The following TENM2 variants were observed in gnomAD, a reference collection of about 807,000 sequenced individuals.
TENM2 encodes the protein teneurin transmembrane protein 2.
In TENM2, 52 loss-of-function variants were observed where a neutral mutation model predicts 245.2. The observed-to-expected ratio is 0.21, with a 90% CI of 0.17 to 0.27. The LOEUF is 0.27. TENM2 is among the 10% of genes least tolerant of loss of function. The pLI is 1.00. For synonymous variants in TENM2, 1,363 were observed against 1,438.9 expected, an observed-to-expected ratio of 0.95 and a Z score of 1.19; for missense variants, 3,046 against 3,666.8, an observed-to-expected ratio of 0.83 and a Z score of 4.37.
chr5:167,877,016 T>C (rs1773481441), intron 3 of TENM2, among the ~76,000 whole-genome samples: 1 of 152,146 alleles, frequency 6.6e-6, no homozygotes, highest in South Asian at 2.1e-4. Context: ...CCTGTGAACA[T>C]CTGAACGTAG....
chr5:168,225,953 G>A, intron 23 of TENM2, 135 bp from the exon 26 acceptor site: 2 of 672,412 alleles, frequency 3.0e-6, no homozygotes, highest in South Asian at 4.1e-5. Context: ...ACTGTGACGA[G>A]GGGCCTCAGT....
At chr5:167,668,263 A>G (rs1755702439) in intron 2 of TENM2, among the ~76,000 whole-genome samples, 1 of 152,120 alleles carries the variant, frequency 6.6e-6, no homozygotes, top group African/African-American at 2.4e-5. Context: ...TTATGAAGAA[A>G]CAGAAATCTA....
At chr5:167,742,273 T>C (rs896444353) in intron 2 of TENM2, among the ~76,000 whole-genome samples, 1 of 152,042 alleles carries the variant, frequency 6.6e-6, no homozygotes, top group Non-Finnish European at 1.5e-5. Context: ...TTTTATCCCC[T>C]TAACTTTTGT....
the TENM2 span, among the ~76,000 whole-genome samples, chr5:167,184,253 C>T: frequency 6.6e-6 from 1 of 152,126 alleles, no homozygotes. Context: ...GTTGTTATAA[C>T]CTAGAATAGG....
chr5:167,798,610 C>A (rs559308779), intron 2 of TENM2, among the ~76,000 whole-genome samples: 5 of 152,158 alleles, frequency 3.3e-5, no homozygotes, highest in Non-Finnish European at 5.9e-5. Context: ...TAAGACAGAG[C>A]GGGCGTAGTA....
At chr5:167,659,943 C>T (rs561838451) in intron 2 of TENM2, 1 of 152,224 alleles carries the variant, frequency 6.6e-6, no homozygotes, top group South Asian at 2.1e-4. Context: ...ATTTTTAAAA[C>T]ATCACACTCA....
Position 168,007,132 on chromosome 5 carries a change from C to CTTT in TENM2, c.1186+13960_1186+13962dup, listed in dbSNP as rs72126954. On this transcript the variant is annotated intron_variant, in intron 5 of 28. Coordinates refer to ENST00000518659, the Ensembl canonical transcript of TENM2. ...GTACTCCAGGCCTTCCTTTTTCTTT[C>CTTT]TTTTTTTTTTTTGAGACGTAGTCTC... 2.4e-4 allele frequency among the ~76,000 whole-genome samples: 35 copies of CTTT among 146,874 alleles called. No individual in the cohort carries two copies. In the East Asian group the frequency reaches 5.4e-3, roughly 23 times the overall value.
the TENM2 span, among the ~76,000 whole-genome samples, chr5:167,106,459 G>T: frequency 6.6e-6 from 1 of 152,218 alleles, no homozygotes; most frequent in East Asian, 1.9e-4. Context: ...AACCTCTATT[G>T]CCAGGAGGAA....
intron 2 of TENM2, among the ~76,000 whole-genome samples, chr5:167,376,802 T>C (rs1369424210): frequency 6.6e-6 from 1 of 152,202 alleles, no homozygotes; most frequent in Non-Finnish European, 1.5e-5. Flanking sequence ...AAATTACTTT[T>C]AGAAGTTTCC....
chr5:167,231,275 G>A, the TENM2 span, among the ~76,000 whole-genome samples: 3 of 152,200 alleles, frequency 2.0e-5, no homozygotes, highest in Non-Finnish European at 4.4e-5. Flanking sequence ...GCAGAGGGTG[G>A]AACAATTTGG....
chr5:167,803,706 C>A (rs1035226830), intron 2 of TENM2, among the ~76,000 whole-genome samples: 1 of 152,024 alleles, frequency 6.6e-6, no homozygotes, highest in Non-Finnish European at 1.5e-5. Context: ...TCCTTCCTCT[C>A]TTTCTTTGTT....
chr5:167,685,971 T>G (rs975758736), intron 2 of TENM2, among the ~76,000 whole-genome samples: 1 of 152,156 alleles, frequency 6.6e-6, no homozygotes, highest in Non-Finnish European at 1.5e-5. Flanking sequence ...AGTGGTGGTG[T>G]TACCTTGAGC....
the TENM2 span, among the ~76,000 whole-genome samples, chr5:167,261,113 C>T: frequency 3.6e-4 from 55 of 152,214 alleles, 1 homozygote; most frequent in South Asian, 0.01. Flanking sequence ...AGTCTCATGC[C>T]CTCCCCATCC....
At chr5:167,644,521 T>TG (rs1779805763) in intron 2 of TENM2, among the ~76,000 whole-genome samples, 1 of 152,204 alleles carries the variant, frequency 6.6e-6, no homozygotes, top group African/African-American at 2.4e-5. Context: ...GGTGGTGACA[T>TG]GCACTCAGTA....
At chr5:167,443,816 A>G (rs560397371) in intron 2 of TENM2, among the ~76,000 whole-genome samples, 2 of 152,250 alleles carry the variant, frequency 1.3e-5, no homozygotes, top group East Asian at 3.9e-4. Context: ...CAGGGGACTT[A>G]TTTTACACAG....
At chr5:167,853,312 A>AAAAAAAAAAAAAAAAAAAAAAAAAAAG (rs1770777197) in intron 2 of TENM2, among the ~76,000 whole-genome samples, 1 of 143,896 alleles carries the variant, frequency 6.9e-6, no homozygotes. Flanking sequence ...AAAAAAAAAA[A>AAAAAAAAAAAAAAAAAAAAAAAAAAAG]GAAAGTGATC....
At chr5:167,607,740 A>G (rs1208505922) in intron 2 of TENM2, among the ~76,000 whole-genome samples, 3 of 152,180 alleles carry the variant, frequency 2.0e-5, no homozygotes, top group Admixed American at 6.5e-5. Context: ...CTGAGCAGAT[A>G]CTGTGCTAGA....
intron 2 of TENM2, among the ~76,000 whole-genome samples, chr5:167,859,800 C>T (rs1583208255): frequency 1.3e-5 from 1 of 74,510 alleles, no homozygotes; most frequent in East Asian, 4.7e-4. Context: ...CAGCCCTCCG[C>T]CCGGCCAGCC....
chr5:167,068,185 T>A, the TENM2 span, among the ~76,000 whole-genome samples: 2 of 152,216 alleles, frequency 1.3e-5, no homozygotes, highest in African/African-American at 4.8e-5. Context: ...TTCTGAAGTT[T>A]AATAGTAGAT....
Sources: gnomAD v4.1 joint callset for allele counts (sites outside exome capture counted in the v4.1 genomes callset) on GRCh38, gnomAD v4.1.1 for gene constraint, MANE v1.5 for transcripts, NCBI Gene and HGNC (gene_info 2026-07-23, HGNC 2026-07-21) for gene names.